NSL1: variants seen among roughly 807,000 people sequenced by gnomAD.
NSL1 encodes kinetochore-associated protein NSL1 homolog.
In NSL1, 11 loss-of-function variants were observed where a neutral mutation model predicts 25.4. The ratio of observed to expected loss-of-function variants is 0.43; its 90% CI spans 0.27 to 0.72. NSL1 has a LOEUF of 0.72. Among genes scored for constraint, NSL1 ranks in the 30% least tolerant of loss-of-function variants. NSL1 has a pLI of 0.19. For missense variants in NSL1, 330 were observed against 342.7 expected, an observed-to-expected ratio of 0.96 and a Z score of 0.29; for synonymous variants, 118 against 120.6, an observed-to-expected ratio of 0.98 and a Z score of 0.14.
intron 4 of NSL1, among the ~76,000 whole-genome samples, chr1:212,748,037 A>T (rs34274815): frequency 0.4 from 60,683 of 151,614 alleles, 13,702 homozygotes; most frequent in Non-Finnish European, 0.5. Flanking sequence ...AAGTGCTGGG[A>T]TTACAGGTAT....
intron 4 of NSL1, among the ~76,000 whole-genome samples, chr1:212,740,065 C>T (rs1175594164): frequency 6.6e-6 from 1 of 152,166 alleles, no homozygotes; most frequent in East Asian, 1.9e-4. Context: ...TCTTTCCTTA[C>T]TTCCTAATAC....
intron 4 of NSL1, among the ~76,000 whole-genome samples, chr1:212,772,568 T>C (rs1467535431): frequency 6.6e-6 from 1 of 152,004 alleles, no homozygotes; most frequent in Non-Finnish European, 1.5e-5. Flanking sequence ...TCCCAGCTAC[T>C]TGGGAGGCTG....
chr1:212,758,665 T>C (rs1659420256), intron 4 of NSL1, among the ~76,000 whole-genome samples: 1 of 152,216 alleles, frequency 6.6e-6, no homozygotes, highest in Admixed American at 6.5e-5. Context: ...CCATCCATTA[T>C]TCAGGGATCA....
chr1:212,787,990 CTGTTGA>C (rs1661014832), intron 1 of NSL1, among the ~76,000 whole-genome samples: 1 of 152,136 alleles, frequency 6.6e-6, no homozygotes, highest in South Asian at 2.1e-4. Flanking sequence ...TGCTGAATGA[CTGTTGA>C]TGTTAACAAG....
chr1:212,777,664 G>A (rs1330814827), intron 4 of NSL1, among the ~76,000 whole-genome samples: 2 of 152,160 alleles, frequency 1.3e-5, no homozygotes, highest in East Asian at 3.8e-4. Context: ...ACAGCTTGAG[G>A]ATCCTGGTTA....
chr1:212,737,730 G>GA lies in NSL1; in HGVS notation c.*677dup, dbSNP rs1658289913. 1 of 982,222 alleles carries GA rather than the reference G, an allele frequency of 1.0e-6. No homozygotes were observed. The allele number at this position is 982,222 out of a possible 1,614,324, so 60.8% of individuals were successfully genotyped here. On this transcript the variant is annotated 3_prime_UTR_variant, in exon 6 of 6. Transcript: ENST00000366977. ...AGTCAAATTATGTTAATGGTCTATA[G>GA]AAAAAAGTGAGTGTGGGCAGGAAAC...
Position 212,747,966 on chromosome 1 carries a change from G to A in NSL1, c.500-8365C>T, listed in dbSNP as rs570651888. ...TTTTTGGTAGAGATGGGGTTTCACC[G>A]TGTTGGTCAGGCTGGTCTCGAACTC... On this transcript the variant is annotated intron_variant, in intron 4 of 5. Coordinates refer to ENST00000366977, the MANE Select transcript of NSL1 (RefSeq NM_015471.4). 1.3e-3 allele frequency among the ~76,000 whole-genome samples: 203 copies of A among 152,184 alleles called. 1 individual carries two copies. The highest frequency in any genetic ancestry group is 4.6e-3 in the African/African-American group (189 of 41,518).
chr1:212,755,522 T>C (rs1294407095), intron 4 of NSL1, among the ~76,000 whole-genome samples: 3 of 151,722 alleles, frequency 2.0e-5, no homozygotes, highest in Non-Finnish European at 4.4e-5. Flanking sequence ...AGTTGAACTA[T>C]GTTACATGTT....
Position 212,727,283 on chromosome 1 carries a change from C to G in NSL1, c.*11125G>C, listed in dbSNP as rs1054023040. On this transcript the variant is annotated 3_prime_UTR_variant, in exon 6 of 6. Coordinates refer to ENST00000366977, the MANE Select transcript of NSL1 (RefSeq NM_015471.4). ...TTGAGACTCAGAGCTGTTTCACAACCCTTTGTTCCAGGCAGGGCCCAGGAT... is the reference window on the plus strand; with the variant it reads ...TTGAGACTCAGAGCTGTTTCACAACGCTTTGTTCCAGGCAGGGCCCAGGAT... 3 of 1,345,644 alleles carry G rather than the reference C, an allele frequency of 2.2e-6. No homozygotes were observed. Among genetic ancestry groups the G allele is most frequent in the Non-Finnish European group, 2.9e-6 (3 of 1,042,796 alleles). The allele number at this position is 1,345,644 out of a possible 1,614,324, so 83.4% of individuals were successfully genotyped here.
chr1:212,728,609 G>A lies in NSL1; in HGVS notation c.*9799C>T. 1 of 985,438 alleles carries A rather than the reference G, an allele frequency of 1.0e-6. No homozygotes were observed. The highest frequency in any genetic ancestry group is 4.7e-5 in the South Asian group (1 of 21,292). 61.0% of individuals were successfully genotyped at this position (985,438 alleles called of 1,614,324 possible). A position where few individuals can be genotyped will look rare whatever the true frequency, so the allele number is the denominator to read the frequency against. ...GGAGTTTTATGTTAGGAAAAAAATG[G>A]TTTCTGAGAATTCTGAGGCTCTGAT... is the stretch of plus-strand genomic sequence containing the variant. On this transcript the variant is annotated 3_prime_UTR_variant, in exon 6 of 6. Coordinates refer to ENST00000366977, the MANE Select transcript of NSL1 (RefSeq NM_015471.4).
Position 212,731,564 on chromosome 1 carries a change from C to G in NSL1, c.*6844G>C, listed in dbSNP as rs1019166451. On this transcript the variant is annotated 3_prime_UTR_variant, in exon 6 of 6. Coordinates refer to ENST00000366977, the MANE Select transcript of NSL1 (RefSeq NM_015471.4). ...ATGCATTTAATTTTAAAAATCAAAT[C>G]TATGAGGCTTCTATCAAAAATTATC... The G allele has an allele frequency of 2.0e-6, 2 of 985,260 alleles. No homozygotes were observed. The highest frequency in any genetic ancestry group is 9.4e-5 in the South Asian group (2 of 21,292). 61.0% of individuals were successfully genotyped at this position (985,260 alleles called of 1,614,324 possible). A position where few individuals can be genotyped will look rare whatever the true frequency, so the allele number is the denominator to read the frequency against.
intron 4 of NSL1, among the ~76,000 whole-genome samples, chr1:212,755,592 A>G: frequency 6.9e-6 from 1 of 145,376 alleles, no homozygotes; most frequent in Non-Finnish European, 1.5e-5. Flanking sequence ...TATATAAACA[A>G]CTAAAAAAAC....
At chr1:212,741,440 T>A (rs150393076) in intron 4 of NSL1, among the ~76,000 whole-genome samples, 1 of 152,186 alleles carries the variant, frequency 6.6e-6, no homozygotes, top group Non-Finnish European at 1.5e-5. Flanking sequence ...TGGGAGGTGA[T>A]TGGATCACGG....
At chr1:212,791,430 T>C in intron 1 of NSL1, 100 bp downstream of exon 1, 1 of 1,111,312 alleles carries the variant, frequency 9.0e-7, no homozygotes, top group Non-Finnish European at 1.3e-6. Context: ...GGGGCACCGT[T>C]AATTCTGCCA....
intron 4 of NSL1, among the ~76,000 whole-genome samples, chr1:212,759,551 T>C (rs1659462413): frequency 6.6e-6 from 1 of 151,978 alleles, no homozygotes; most frequent in Non-Finnish European, 1.5e-5. Context: ...CTGGAGTCCA[T>C]ACAACATTAA....
chr1:212,735,407 T>C lies in NSL1; in HGVS notation c.*3001A>G. On this transcript the variant is annotated 3_prime_UTR_variant, in exon 6 of 6. Transcript: ENST00000366977. The stretch of plus-strand genomic sequence containing the variant: ...ACCAGAAATCAAACAAATTCAGCCT[T>C]AGAAAAGAAAAAGTACATCTTACAA... 1.0e-5 allele frequency: 10 copies of C among 985,340 alleles called. No individual in the cohort carries two copies. The highest frequency in any genetic ancestry group is 1.2e-5 in the Non-Finnish European group (10 of 829,900). 61.0% of individuals were successfully genotyped at this position (985,340 alleles called of 1,614,324 possible).
Position 212,753,613 on chromosome 1 carries a change from T to C in NSL1, c.500-14012A>G, listed in dbSNP as rs559863042. 3.3e-5 allele frequency among the ~76,000 whole-genome samples: 5 copies of C among 152,336 alleles called. No homozygotes were observed. The South Asian group carries it at 1.0e-3, about 32-fold the overall frequency. On this transcript the variant is annotated intron_variant, in intron 4 of 5. Coordinates refer to ENST00000366977, the MANE Select transcript of NSL1 (RefSeq NM_015471.4). ...GCTCACTAATATTACATCTGCCACA[T>C]TGAGAACAGTTCTGTCATACTGTAG...
intron 4 of NSL1, among the ~76,000 whole-genome samples, chr1:212,771,479 T>C (rs570373203): frequency 7.2e-5 from 11 of 152,072 alleles, no homozygotes; most frequent in Non-Finnish European, 1.2e-4. Flanking sequence ...CTATTCAACA[T>C]AGCACTGGAA....
chr1:212,744,913 C>T (rs1571869731), intron 4 of NSL1, among the ~76,000 whole-genome samples: 1 of 152,042 alleles, frequency 6.6e-6, no homozygotes, highest in African/African-American at 2.4e-5. Flanking sequence ...CCAAGGCGGC[C>T]GGATCACGTG....
Sources: allele counts gnomAD v4.1 joint callset (sites outside exome capture counted in the v4.1 genomes callset), GRCh38; gene constraint gnomAD v4.1.1; transcripts MANE v1.5; gene names NCBI Gene and HGNC (gene_info 2026-07-23, HGNC 2026-07-21).